The following GPT2 variants were observed in gnomAD, a reference collection of about 807,000 sequenced individuals.
GPT2 encodes alanine aminotransferase 2.
Under a neutral mutation model 56.9 loss-of-function variants are expected in GPT2, and 30 were observed. The observed-to-expected ratio is 0.53, with a 90% CI of 0.39 to 0.72. The LOEUF (loss-of-function observed/expected upper bound fraction) is 0.72, where lower values mean the gene tolerates loss of function less well. GPT2 is among the 30% of genes least tolerant of loss of function. The pLI is 0.00. For synonymous variants in GPT2, 271 were observed against 283.1 expected (o/e 0.96, Z 0.43); for missense variants, 542 against 703.4 (o/e 0.77, Z 2.60).
chr16:46,927,175 C>A, intron 11 of GPT2, 138 bp downstream of exon 11: 1 of 494,154 alleles, frequency 2.0e-6, no homozygotes. Context: ...CCTACTCTGT[C>A]CTGCTGCAGA....
intron 8 of GPT2, 27 bp from the exon 9 acceptor site, chr16:46,922,215 G>A (rs1451782096): frequency 1.2e-6 from 2 of 1,609,916 alleles, no homozygotes; most frequent in Admixed American, 1.7e-5. Context: ...ATAACTGGTG[G>A]TCCTCTCCCT....
chr16:46,909,452 A>G (rs1445316361), intron 5 of GPT2, among the ~76,000 whole-genome samples: 1 of 152,060 alleles, frequency 6.6e-6, no homozygotes, highest in Non-Finnish European at 1.5e-5. Context: ...TGCCCAGCCT[A>G]AGTACTGAGT....
chr16:46,904,615 C>T (rs1013847473), intron 4 of GPT2, among the ~76,000 whole-genome samples: 2 of 151,980 alleles, frequency 1.3e-5, no homozygotes, highest in African/African-American at 2.4e-5. Flanking sequence ...GTCTGTGACC[C>T]GCAGAAGTAA....
At chr16:46,899,035 A>ATATAT (rs1567335287) in intron 3 of GPT2, among the ~76,000 whole-genome samples, 1 of 77,188 alleles carries the variant, frequency 1.3e-5, no homozygotes, top group African/African-American at 9.0e-5. Context: ...ATATATATAT[A>ATATAT]TTTTTTTTTT....
At chr16:46,905,280 C>T (rs1299812130) in intron 4 of GPT2, among the ~76,000 whole-genome samples, 1 of 152,038 alleles carries the variant, frequency 6.6e-6, no homozygotes. Flanking sequence ...AACTCCTGAC[C>T]TCAGGTGATC....
chr16:46,885,152 GC>G, intron 2 of GPT2, 194 bp downstream of exon 2: 1 of 1,329,206 alleles, frequency 7.5e-7, no homozygotes, highest in Non-Finnish European at 9.6e-7. Context: ...ACTCAGTGAG[GC>G]CTTGCAATAC....
At chr16:46,897,812 T>C in intron 3 of GPT2, 75 bp downstream of exon 3, 1 of 1,281,386 alleles carries the variant, frequency 7.8e-7, no homozygotes, top group Non-Finnish European at 1.1e-6. Flanking sequence ...GGGGCCGTCC[T>C]CTGCCCCCTC....
intron 4 of GPT2, among the ~76,000 whole-genome samples, chr16:46,905,535 G>T (rs989077838): frequency 5.3e-5 from 8 of 152,130 alleles, no homozygotes; most frequent in Non-Finnish European, 1.0e-4. Context: ...AGATCTAAAA[G>T]AATATACAAT....
At chr16:46,917,626 G>T (rs777955980) in intron 7 of GPT2, among the ~76,000 whole-genome samples, 5 of 151,786 alleles carry the variant, frequency 3.3e-5, no homozygotes, top group African/African-American at 4.8e-5. Flanking sequence ...CTTCTAGCCC[G>T]CTGCCTTCAT....
chr16:46,914,691 AT>A (rs1961108179), intron 6 of GPT2, among the ~76,000 whole-genome samples: 1 of 152,112 alleles, frequency 6.6e-6, no homozygotes, highest in Admixed American at 6.6e-5. Context: ...TTCTGCAGTT[AT>A]TTTTTGAGCA....
intron 2 of GPT2, among the ~76,000 whole-genome samples, chr16:46,893,388 C>T (rs1390449410): frequency 6.6e-6 from 1 of 152,224 alleles, no homozygotes; most frequent in Non-Finnish European, 1.5e-5. Context: ...GCCTCAGCCT[C>T]CCAAAGTGCT....
chr16:46,924,241 T>C, intron 9 of GPT2, 148 bp from the exon 10 acceptor site: 2 of 845,628 alleles, frequency 2.4e-6, no homozygotes, highest in Non-Finnish European at 2.0e-6. Flanking sequence ...CAAATCTGAG[T>C]CAACGCATGG....
intron 3 of GPT2, among the ~76,000 whole-genome samples, chr16:46,898,905 T>TATATATACACAC (rs1960743987): frequency 6.8e-6 from 1 of 146,108 alleles, no homozygotes; most frequent in Non-Finnish European, 1.5e-5. Context: ...TATATACACA[T>TATATATACACAC]ATATATACAC....
chr16:46,918,018 G>C (rs1961205054), intron 7 of GPT2, among the ~76,000 whole-genome samples: 1 of 152,172 alleles, frequency 6.6e-6, no homozygotes, highest in Non-Finnish European at 1.5e-5. Context: ...CAGTTTCTCT[G>C]ATCTCCAAAA....
rs1399268895 is a variant in GPT2, at chr16:46,922,552, T to G, written c.1212+136T>G. ...TGGCCTGCAGGTGCACTCATGGCTC[T>G]TCAGAGCCTGAACCACCCCTATGAG... is the stretch of plus-strand genomic sequence containing the variant. On this transcript the variant is annotated intron_variant, in intron 9 of 11. Transcript: ENST00000340124. The G allele has an allele frequency of 1.6e-5, 12 of 769,904 alleles. No homozygotes were observed. In the East Asian group the frequency reaches 3.3e-4, roughly 21 times the overall value. 47.7% of individuals were successfully genotyped at this position (769,904 alleles called of 1,614,324 possible).
chr16:46,925,812 A>T (rs766713787), intron 10 of GPT2, among the ~76,000 whole-genome samples: 16 of 151,862 alleles, frequency 1.1e-4, no homozygotes, highest in Non-Finnish European at 1.8e-4. Context: ...CGAGAGCAAG[A>T]TCTCTTCTCT....
chr16:46,910,630 C>T (rs1961032021), intron 6 of GPT2, among the ~76,000 whole-genome samples: 1 of 152,152 alleles, frequency 6.6e-6, no homozygotes, highest in Admixed American at 6.5e-5. Flanking sequence ...GGGTCTTACT[C>T]TGTGGCTCCA....
chr16:46,909,955 CGTAGAGGGTGGGGGTG>C, intron 6 of GPT2, 28 bp downstream of exon 6: 2 of 1,566,996 alleles, frequency 1.3e-6, no homozygotes, highest in Non-Finnish European at 8.7e-7. Flanking sequence ...TCACCAGTTT[CGTAGAGGGTGGGGGTG>C]GCTGATACAC....
At chr16:46,921,262 G>A (rs1363751128) in intron 8 of GPT2, among the ~76,000 whole-genome samples, 2 of 152,072 alleles carry the variant, frequency 1.3e-5, no homozygotes, top group Admixed American at 6.6e-5. Flanking sequence ...TCTGCCTCCC[G>A]GTCTTGGTTC....
Sources: allele counts gnomAD v4.1 joint callset (sites outside exome capture counted in the v4.1 genomes callset), GRCh38; gene constraint gnomAD v4.1.1; transcripts MANE v1.5; gene names NCBI Gene and HGNC (gene_info 2026-07-23, HGNC 2026-07-21).